Variants in DOCK11 observed in about 807,000 individuals in gnomAD.
DOCK11 encodes dedicator of cytokinesis protein 11.
DOCK11 carries 70 observed loss-of-function variants against 169.1 expected under a neutral mutation model. That is an observed-to-expected ratio of 0.41 (90% CI 0.34 to 0.51). The LOEUF is 0.51. DOCK11 is among the 20% of genes least tolerant of loss of function. The pLI, the probability that DOCK11 is intolerant of heterozygous loss-of-function variation, is 0.10. For synonymous variants in DOCK11, 529 were observed against 541.3 expected, an observed-to-expected ratio of 0.98 and a Z score of 0.32; for missense variants, 1,166 against 1,538.8, an observed-to-expected ratio of 0.76 and a Z score of 4.05.
At chrX:118,584,968 G>T in intron 15 of DOCK11, 73 bp from the exon 16 acceptor site, 3 of 1,143,412 alleles carry the variant, frequency 2.6e-6, no homozygotes, top group Non-Finnish European at 3.6e-6. Context: ...AAAATTGTAA[G>T]TTTGGATAGA....
chrX:118,549,436 G>C (rs753265062), intron 6 of DOCK11, among the ~76,000 whole-genome samples: 1 of 111,563 alleles, frequency 9.0e-6, no homozygotes, highest in Non-Finnish European at 1.9e-5. Context: ...GAGCCACTGT[G>C]CTCGGCCTAT....
chrX:118,533,940 C>T (rs2011666545), intron 1 of DOCK11, among the ~76,000 whole-genome samples: 1 of 112,025 alleles, frequency 8.9e-6, no homozygotes, highest in Non-Finnish European at 1.9e-5. Flanking sequence ...TTTGTGAACT[C>T]GTTAAATTCT....
intron 50 of DOCK11, 50 bp from the exon 51 acceptor site, chrX:118,681,644 T>C: frequency 1.1e-6 from 1 of 942,556 alleles, no homozygotes. Flanking sequence ...AAACTTCTTT[T>C]GATTATTGCA....
chrX:118,519,191 A>G (rs2057707656), intron 1 of DOCK11, among the ~76,000 whole-genome samples: 1 of 112,029 alleles, frequency 8.9e-6, no homozygotes. Flanking sequence ...GAAGGCTTTG[A>G]ATGAAAGGTG....
chrX:118,655,702 A>G (rs1163223030), intron 44 of DOCK11, among the ~76,000 whole-genome samples: 1 of 111,810 alleles, frequency 8.9e-6, no homozygotes, highest in Non-Finnish European at 1.9e-5. Context: ...TCAAATAGTA[A>G]CCCAGTTGAG....
intron 6 of DOCK11, among the ~76,000 whole-genome samples, chrX:118,560,476 A>G (rs778280102): frequency 5.4e-5 from 6 of 111,951 alleles, no homozygotes; most frequent in Non-Finnish European, 1.9e-5. Flanking sequence ...TGCTCTTCCC[A>G]TCTCACCCTG....
intron 23 of DOCK11, 95 bp from the exon 24 acceptor site, chrX:118,605,143 T>C (rs73228273): frequency 1.9e-5 from 10 of 533,463 alleles, no homozygotes; most frequent in Non-Finnish European, 2.8e-5. Flanking sequence ...TGCTAGTCAA[T>C]GTATTTCTCA....
chrX:118,568,012 C>A, intron 9 of DOCK11, 67 bp from the exon 10 acceptor site: 1 of 538,867 alleles, frequency 1.9e-6, no homozygotes. Flanking sequence ...ATAAACTATA[C>A]ATTTAAATAG....
Position 118,593,136 on chromosome X carries a change from A to G in DOCK11, c.2140-78A>G, listed in dbSNP as rs750268781. On this transcript the variant is annotated intron_variant, in intron 19 of 52. Coordinates refer to ENST00000276202, the MANE Select transcript of DOCK11 (RefSeq NM_144658.4). ...CTTTAGGAAGTATTTTTGGAGCAGT[A>G]TGATGAAACTGAACTAATGTCTGAC... The G allele has an allele frequency of 7.9e-4, 837 of 1,059,052 alleles. 1 individual carries two copies. The highest frequency in any genetic ancestry group is 9.9e-4 in the Non-Finnish European group (779 of 786,701). 87.3% of individuals were successfully genotyped at this position (1,059,052 alleles called of 1,213,427 possible).
chrX:118,536,683 TCAGCTCTCA>T (rs1214106362), intron 1 of DOCK11, among the ~76,000 whole-genome samples: 1 of 111,787 alleles, frequency 8.9e-6, no homozygotes, highest in African/African-American at 3.3e-5. Context: ...TAGTCTGTGA[TCAGCTCTCA>T]CATCTTGGGT....
chrX:118,652,287 T>C (rs73589113), intron 42 of DOCK11, among the ~76,000 whole-genome samples: 2,197 of 111,654 alleles, frequency 0.02, 70 homozygotes, highest in African/African-American at 0.068. Context: ...ATCAGTTTAG[T>C]GGATGGATGA....
chrX:118,608,365 A>G lies in DOCK11; in HGVS notation c.2877+9A>G. The G allele has an allele frequency of 8.4e-7, 1 of 1,192,008 alleles. No individual in the cohort carries two copies. Among genetic ancestry groups the G allele is most frequent in the Non-Finnish European group, 1.1e-6 (1 of 887,537 alleles). On this transcript the variant is annotated intron_variant, in intron 26 of 52. Transcript: ENST00000276202. ...TAAACAAATTGCTAAAGGTATGAAC[A>G]CAGGACACAACAAGGAACAAAAGCA... is the stretch of plus-strand genomic sequence containing the variant.
intron 1 of DOCK11, 31 bp downstream of exon 1, chrX:118,496,104 G>T (rs1171249428): frequency 3.1e-6 from 3 of 954,358 alleles, no homozygotes; most frequent in South Asian, 3.6e-5. Context: ...GCATCCCGGG[G>T]GACGCGCTCC....
In DOCK11 at chrX:118,649,665, C is replaced by T. The variant is rs751548586; in HGVS notation, c.4581+538C>T. Among the ~76,000 whole-genome samples, 5 of 111,489 alleles carry T rather than the reference C, an allele frequency of 4.5e-5. No homozygotes were observed. In the South Asian group the frequency reaches 1.1e-3, roughly 25 times the overall value. Reference sequence around the variant, plus strand: ...TCCCAAGTAGGATTACAGGCATGCACCACTATGCCCAGCTAATTTTTGTAT... The same window carrying T: ...TCCCAAGTAGGATTACAGGCATGCATCACTATGCCCAGCTAATTTTTGTAT... On this transcript the variant is annotated intron_variant, in intron 41 of 52. Coordinates refer to ENST00000276202, the MANE Select transcript of DOCK11 (RefSeq NM_144658.4).
At chrX:118,669,330 G>C (rs142905517) in intron 45 of DOCK11, among the ~76,000 whole-genome samples, 1 of 111,952 alleles carries the variant, frequency 8.9e-6, no homozygotes, top group Non-Finnish European at 1.9e-5. Context: ...TAATAGTTGC[G>C]TAGATATCTG....
chrX:118,643,048 A>C (rs1054516049), intron 39 of DOCK11, among the ~76,000 whole-genome samples: 1 of 112,020 alleles, frequency 8.9e-6, no homozygotes, highest in African/African-American at 3.2e-5. Flanking sequence ...TAATCTAATA[A>C]AATAGAACTG....
chrX:118,564,227 C>T (rs1406101303), intron 7 of DOCK11, among the ~76,000 whole-genome samples: 1 of 112,499 alleles, frequency 8.9e-6, no homozygotes, highest in Non-Finnish European at 1.9e-5. Flanking sequence ...GCTCAGGCAC[C>T]TCATCTATTT....
At chrX:118,618,435 TA>T (rs2014878867) in intron 30 of DOCK11, 114 bp from the exon 31 acceptor site, 2 of 570,431 alleles carry the variant, frequency 3.5e-6, no homozygotes, top group Admixed American at 1.0e-4. Flanking sequence ...TCATTAATAA[TA>T]AAAATTATAG....
intron 1 of DOCK11, among the ~76,000 whole-genome samples, chrX:118,500,877 A>G (rs1193146128): frequency 1.8e-5 from 2 of 111,136 alleles, no homozygotes; most frequent in East Asian, 2.8e-4. Context: ...TCCTGAGCTC[A>G]AGCAGTCCTC....
Sources: allele counts gnomAD v4.1 joint callset (sites outside exome capture counted in the v4.1 genomes callset), GRCh38; gene constraint gnomAD v4.1.1; transcripts MANE v1.5; gene names NCBI Gene and HGNC (gene_info 2026-07-23, HGNC 2026-07-21).